Variants in MAD1L1 observed in about 807,000 individuals in gnomAD.
MAD1L1 encodes the protein mitotic arrest deficient 1 like 1.
Under a neutral mutation model 96.9 loss-of-function variants are expected in MAD1L1, and 95 were observed. The observed-to-expected ratio is 0.98, with a 90% CI of 0.83 to 1.16. The LOEUF (loss-of-function observed/expected upper bound fraction) is 1.16. Among genes scored for constraint, MAD1L1 ranks in the 50% most tolerant of loss-of-function variants. MAD1L1 has a pLI of 0.00. For synonymous variants in MAD1L1, 473 were observed against 396.6 expected (o/e 1.19, Z -2.29); for missense variants, 1,007 against 954.4 (o/e 1.06, Z -0.73).
At chr7:1,928,644 G>A (rs1280319532) in intron 17 of MAD1L1, among the ~76,000 whole-genome samples, 1 of 152,358 alleles carries the variant, frequency 6.6e-6, no homozygotes, top group Non-Finnish European at 1.5e-5. Context: ...TGGAGCCCCT[G>A]CACCCCCATC....
intron 16 of MAD1L1, among the ~76,000 whole-genome samples, chr7:1,940,995 C>CCTCAGCCTCCTCTTCCTCTCCCAGGT (rs1778963362): frequency 2.0e-5 from 3 of 151,432 alleles, no homozygotes; most frequent in African/African-American, 4.9e-5. Context: ...CTCTCCCAGG[C>CCTCAGCCTCCTCTTCCTCTCCCAGGT]CTCAGCCTCC....
chr7:2,048,787 G>C (rs1474167429), intron 12 of MAD1L1, among the ~76,000 whole-genome samples: 1 of 152,194 alleles, frequency 6.6e-6, no homozygotes, highest in Non-Finnish European at 1.5e-5. Context: ...TCCAGCTTCA[G>C]GTGCTCTCCC....
intron 16 of MAD1L1, among the ~76,000 whole-genome samples, chr7:1,945,207 G>A (rs567382393): frequency 1.3e-5 from 2 of 152,240 alleles, no homozygotes; most frequent in South Asian, 2.1e-4. Flanking sequence ...GGGACACCCC[G>A]ATCAGCCTAA....
At chr7:2,000,336 C>A (rs1370954155) in intron 14 of MAD1L1, among the ~76,000 whole-genome samples, 1 of 152,216 alleles carries the variant, frequency 6.6e-6, no homozygotes, top group Non-Finnish European at 1.5e-5. Context: ...CTGCCACTTC[C>A]CACCCATTGC....
At chr7:2,184,322 G>C (rs969897152) in intron 10 of MAD1L1, among the ~76,000 whole-genome samples, 1 of 152,022 alleles carries the variant, frequency 6.6e-6, no homozygotes, top group Non-Finnish European at 1.5e-5. Context: ...CTGGTCATTA[G>C]GGAACGTGAG....
rs61559940 is a variant in MAD1L1, at chr7:2,042,107, GCA to G, written c.1218+27085_1218+27086del. Among the ~76,000 whole-genome samples the G allele has an allele frequency of 3.8e-4, 58 of 150,878 alleles. No homozygotes were observed. In the South Asian group the frequency reaches 9.0e-3, roughly 23 times the overall value. ...CACACACATCCACACACGCACATGT[GCA>G]CACACACACGCAGACACACATGCAC... On this transcript the variant is annotated intron_variant, in intron 12 of 18. Coordinates refer to ENST00000265854, the MANE Select transcript of MAD1L1 (RefSeq NM_001013836.2).
intron 15 of MAD1L1, among the ~76,000 whole-genome samples, chr7:1,978,720 G>A (rs1224248281): frequency 6.6e-6 from 1 of 152,100 alleles, no homozygotes; most frequent in African/African-American, 2.4e-5. Context: ...GCACCTCACA[G>A]GCTGTAACGA....
intron 10 of MAD1L1, among the ~76,000 whole-genome samples, chr7:2,184,731 G>C (rs527475543): frequency 1.4e-4 from 21 of 152,214 alleles, no homozygotes; most frequent in Non-Finnish European, 2.8e-4. Flanking sequence ...GCCGGGTGCG[G>C]TGGTTCACAC....
At chr7:2,016,382 T>C (rs1055414062) in intron 12 of MAD1L1, among the ~76,000 whole-genome samples, 1 of 152,108 alleles carries the variant, frequency 6.6e-6, no homozygotes, top group Non-Finnish European at 1.5e-5. Flanking sequence ...AGAGACCAGC[T>C]CACTCAGGCA....
chr7:2,068,254 G>C (rs1784970519), intron 12 of MAD1L1, among the ~76,000 whole-genome samples: 1 of 152,214 alleles, frequency 6.6e-6, no homozygotes, highest in Non-Finnish European at 1.5e-5. Context: ...GTGCCCGAGG[G>C]ACCTAGGCCC....
chr7:1,827,377 G>A (rs546954383), intron 18 of MAD1L1, among the ~76,000 whole-genome samples: 6 of 152,168 alleles, frequency 3.9e-5, no homozygotes, highest in South Asian at 4.1e-4. Context: ...CACAGCCCTC[G>A]CCCAGTGGCT....
Position 2,222,632 on chromosome 7 carries a change from C to G in MAD1L1, c.414G>C (p.Leu138Phe). ...LERNRQCQQNLDAASKRLREK... is the reference protein window; with the variant it reads ...LERNRQCQQNFDAASKRLREK... ...CACGCAGCCTCTTGCTGGCAGCATCCAAGTTCTGCTGACACTGCCTGTTGC... is the reference window on the plus strand; with the variant it reads ...CACGCAGCCTCTTGCTGGCAGCATCGAAGTTCTGCTGACACTGCCTGTTGC... Residue 138 changes from leucine (L) to phenylalanine (F), a missense_variant, in exon 5 of 19, where the codon TTG becomes TTC. By Grantham distance (22) the Leu-to-Phe change is conservative. Transcript: ENST00000265854. 1 of 1,613,336 alleles carries G rather than the reference C, an allele frequency of 6.2e-7. No individual in the cohort carries two copies. Among genetic ancestry groups the G allele is most frequent in the Non-Finnish European group, 8.5e-7 (1 of 1,179,840 alleles).
chr7:2,035,055 C>T (rs1384526380), intron 12 of MAD1L1, among the ~76,000 whole-genome samples: 2 of 152,232 alleles, frequency 1.3e-5, no homozygotes, highest in African/African-American at 2.4e-5. Context: ...CAGGGAGGGA[C>T]ACAAACTCCA....
intron 11 of MAD1L1, among the ~76,000 whole-genome samples, chr7:2,075,825 C>G (rs1785347624): frequency 6.6e-6 from 1 of 152,240 alleles, no homozygotes; most frequent in African/African-American, 2.4e-5. Context: ...CTCTTCCACG[C>G]ACGACCCATT....
chr7:2,192,794 G>A (rs1227120464), intron 10 of MAD1L1, among the ~76,000 whole-genome samples: 1 of 152,164 alleles, frequency 6.6e-6, no homozygotes, highest in Non-Finnish European at 1.5e-5. Context: ...GTGCTGAAAA[G>A]TATATGCAAA....
At chr7:2,031,209 C>T (rs988570044) in intron 12 of MAD1L1, among the ~76,000 whole-genome samples, 1 of 152,182 alleles carries the variant, frequency 6.6e-6, no homozygotes, top group Non-Finnish European at 1.5e-5. Context: ...ACCCCTCTGC[C>T]TGCAGCTGCA....
chr7:2,116,743 G>A (rs1346731870), intron 11 of MAD1L1, among the ~76,000 whole-genome samples: 1 of 152,226 alleles, frequency 6.6e-6, no homozygotes, highest in Non-Finnish European at 1.5e-5. Flanking sequence ...GACCCAACGG[G>A]GAGGAAGGCG....
At chr7:1,840,639 G>A (rs1783200568) in intron 18 of MAD1L1, among the ~76,000 whole-genome samples, 1 of 152,260 alleles carries the variant, frequency 6.6e-6, no homozygotes, top group African/African-American at 2.4e-5. Flanking sequence ...TGAGGCAGGA[G>A]AATCGCTTGA....
chr7:1,889,678 G>C (rs748968199), intron 18 of MAD1L1, among the ~76,000 whole-genome samples: 1 of 152,254 alleles, frequency 6.6e-6, no homozygotes, highest in Non-Finnish European at 1.5e-5. Context: ...GGAGTTACAC[G>C]CTTCTTTCCC....
Sources: allele counts gnomAD v4.1 joint callset (sites outside exome capture counted in the v4.1 genomes callset), GRCh38; gene constraint gnomAD v4.1.1; transcripts MANE v1.5; gene names NCBI Gene and HGNC (gene_info 2026-07-23, HGNC 2026-07-21).